Variants in PCDHA5 observed in about 807,000 individuals in gnomAD.
The protein encoded by PCDHA5 is protocadherin alpha 5.
PCDHA5 carries 43 observed loss-of-function variants against 61.6 expected under a neutral mutation model. That is an observed-to-expected ratio of 0.70 (90% confidence interval 0.55 to 0.90). PCDHA5 has a LOEUF of 0.90. Among genes scored for constraint, PCDHA5 ranks in the 40% least tolerant of loss-of-function variants. The pLI is 0.00. For missense variants in PCDHA5, 1,298 were observed against 1,222.7 expected (o/e 1.06, Z -0.92); for synonymous variants, 627 against 543.9 (o/e 1.15, Z -2.13).
At chr5:140,941,255 C>CTTTCTTTCTTTCTTTCTTTCTTTCTTTT (rs782490896) in intron 1 of PCDHA5, among the ~76,000 whole-genome samples, 1 of 44,508 alleles carries the variant, frequency 2.2e-5, no homozygotes, top group Non-Finnish European at 5.1e-5. Flanking sequence ...TTCTTTCTTT[C>CTTTCTTTCTTTCTTTCTTTCTTTCTTTT]TCTTTCTTTC....
Position 140,822,954 on chromosome 5 carries a change from C to A in PCDHA5, c.1179C>A (p.Pro393=), listed in dbSNP as rs1554128965. ...QVTCSLMPHV[P]FKLVSTFKNY... ...CCTGCTCCCTAATGCCCCACGTTCC[C>A]TTCAAGCTGGTGTCCACCTTCAAGA... Residue 393 remains proline (P), a synonymous_variant, in exon 1 of 4, where the codon CCC becomes CCA. Coordinates refer to ENST00000529859, the MANE Select transcript of PCDHA5 (RefSeq NM_018908.3). The A allele has an allele frequency of 2.5e-6, 4 of 1,614,140 alleles. No individual in the cohort carries two copies. In the East Asian group the frequency reaches 8.9e-5, roughly 36 times the overall value.
At chr5:140,960,903 G>C (rs560284839) in intron 1 of PCDHA5, among the ~76,000 whole-genome samples, 3 of 152,308 alleles carry the variant, frequency 2.0e-5, no homozygotes, top group African/African-American at 7.2e-5. Context: ...GGCATATCTT[G>C]AGTTTCAGAT....
intron 1 of PCDHA5, chr5:140,875,414 C>A: frequency 3.3e-6 from 5 of 1,508,510 alleles, no homozygotes; most frequent in Non-Finnish European, 4.4e-6. Flanking sequence ...CATAAAATAC[C>A]TCAGGCAAGC....
rs1279359347 is a variant in PCDHA5 at position 141,012,130 on chromosome 5, C to T, written c.*2193C>T. ...ACTGAAGCCCATGTATCTGACCTTA[C>T]GTGCCTTTTGAACTAGGAGAATCGG... On this transcript the variant is annotated 3_prime_UTR_variant, in exon 4 of 4. Coordinates refer to ENST00000529859, the MANE Select transcript of PCDHA5 (RefSeq NM_018908.3). The T allele has an allele frequency of 2.0e-5, 3 of 153,796 alleles. No individual in the cohort carries two copies. The highest frequency in any genetic ancestry group is 1.9e-4 in the East Asian group (1 of 5,172). 9.5% of individuals were successfully genotyped at this position (153,796 alleles called of 1,614,324 possible). A position where few individuals can be genotyped will look rare whatever the true frequency, so the allele number is the denominator to read the frequency against.
At chr5:140,905,635 A>T (rs2071990855) in intron 1 of PCDHA5, among the ~76,000 whole-genome samples, 1 of 152,206 alleles carries the variant, frequency 6.6e-6, no homozygotes, top group Non-Finnish European at 1.5e-5. Context: ...CAGTATGGTC[A>T]GTTTCACAGT....
At chr5:140,911,663 T>G (rs2075591717) in intron 1 of PCDHA5, among the ~76,000 whole-genome samples, 1 of 152,206 alleles carries the variant, frequency 6.6e-6, no homozygotes, top group Non-Finnish European at 1.5e-5. Context: ...CTAAACTCCT[T>G]GCCTCTCACG....
chr5:140,860,192 C>CATATATATATATATATATATATAT (rs143984774), intron 1 of PCDHA5: 72 of 146,840 alleles, frequency 4.9e-4, no homozygotes, highest in Middle Eastern at 3.6e-3. Context: ...GCTCTCCTTA[C>CATATATATATATATATATATATAT]ATATATATCT....
At chr5:140,955,652 A>T (rs1452679583) in intron 1 of PCDHA5, among the ~76,000 whole-genome samples, 2 of 152,180 alleles carry the variant, frequency 1.3e-5, no homozygotes, top group African/African-American at 4.8e-5. Context: ...ATTAATACAC[A>T]TATGAATTTT....
At chr5:140,856,980 A>G in intron 1 of PCDHA5, 1 of 1,594,908 alleles carries the variant, frequency 6.3e-7, no homozygotes, top group African/African-American at 1.3e-5. Context: ...GACTTTGAGG[A>G]CAGTAACACT....
intron 1 of PCDHA5, among the ~76,000 whole-genome samples, chr5:140,971,036 G>A (rs919714179): frequency 2.0e-5 from 3 of 152,204 alleles, no homozygotes; most frequent in Non-Finnish European, 2.9e-5. Context: ...TTGAAAGCAC[G>A]TAAAAGGGTT....
chr5:140,928,623 A>G (rs1554206072), intron 1 of PCDHA5: 1 of 1,614,210 alleles, frequency 6.2e-7, no homozygotes, highest in African/African-American at 1.3e-5. Flanking sequence ...CCAGGACTGG[A>G]CACTTGGTCA....
At chr5:140,899,400 AG>A (rs1331352997) in intron 1 of PCDHA5, among the ~76,000 whole-genome samples, 2 of 152,132 alleles carry the variant, frequency 1.3e-5, no homozygotes, top group Non-Finnish European at 2.9e-5. Context: ...TTTAGCATGA[AG>A]GGTTGTTGAA....
rs1228341912 is a variant in PCDHA5 at position 140,843,752 on chromosome 5, T to G, written c.2352+19625T>G. 2.6e-6 allele frequency: 4 copies of G among 1,516,428 alleles called. No individual in the cohort carries two copies. In the African/African-American group the frequency reaches 5.5e-5, roughly 21 times the overall value. The allele number at this position is 1,516,428 out of a possible 1,614,324, so 93.9% of individuals were successfully genotyped here. ...TAAATTTAGAACTCATAAATTCTAT[T>G]TGTGGAAATTGTAGTTACTTTAAAA... On this transcript the variant is annotated intron_variant, in intron 1 of 3. Transcript: ENST00000529859.
At chr5:140,928,008 T>C in intron 1 of PCDHA5, 1 of 1,614,158 alleles carries the variant, frequency 6.2e-7, no homozygotes, top group Non-Finnish European at 8.5e-7. Context: ...TCGATTCTAA[T>C]GGTAGGGTCA....
At chr5:140,828,611 T>G in intron 1 of PCDHA5, 1 of 1,614,202 alleles carries the variant, frequency 6.2e-7, no homozygotes, top group Non-Finnish European at 8.5e-7. Flanking sequence ...TAAACTCAGT[T>G]CTAGCGAATA....
Position 141,010,424 on chromosome 5 carries a change from C to A in PCDHA5, c.*487C>A. ...CTTAGACTAATTGGTACAAGGAAGGCAAGAAAACAAAGACAAATAAACAGC... is the reference window on the plus strand; with the variant it reads ...CTTAGACTAATTGGTACAAGGAAGGAAAGAAAACAAAGACAAATAAACAGC... On this transcript the variant is annotated 3_prime_UTR_variant, in exon 4 of 4. Transcript: ENST00000529859. The A allele has an allele frequency of 9.0e-7, 1 of 1,113,698 alleles. No homozygotes were observed. The highest frequency in any genetic ancestry group is 1.2e-6 in the Non-Finnish European group (1 of 808,116). 69.0% of individuals were successfully genotyped at this position (1,113,698 alleles called of 1,614,324 possible). A position where few individuals can be genotyped will look rare whatever the true frequency, so the allele number is the denominator to read the frequency against.
At chr5:140,987,045 C>G (rs1344958949) in intron 3 of PCDHA5, among the ~76,000 whole-genome samples, 1 of 151,982 alleles carries the variant, frequency 6.6e-6, no homozygotes, top group Non-Finnish European at 1.5e-5. Flanking sequence ...GAAACCCCAT[C>G]TCTACTAAAG....
At chr5:140,886,330 T>C (rs1403720039) in intron 1 of PCDHA5, among the ~76,000 whole-genome samples, 1 of 152,192 alleles carries the variant, frequency 6.6e-6, no homozygotes, top group Admixed American at 6.5e-5. Context: ...CTGGGATACA[T>C]GTGCAGAACG....
At chr5:140,993,460 T>TCCCACACA (rs1554253699) in intron 3 of PCDHA5, among the ~76,000 whole-genome samples, 2 of 104,506 alleles carry the variant, frequency 1.9e-5, no homozygotes, top group African/African-American at 7.8e-5. Flanking sequence ...CTTCTTTCTT[T>TCCCACACA]CTCACACACA....
Sources: gnomAD v4.1 joint callset for allele counts (sites outside exome capture counted in the v4.1 genomes callset) on GRCh38, gnomAD v4.1.1 for gene constraint, MANE v1.5 for transcripts, NCBI Gene and HGNC (gene_info 2026-07-23, HGNC 2026-07-21) for gene names.